Variants in THAP8 observed in about 807,000 individuals in gnomAD.
THAP8 encodes the protein THAP domain containing 8.
In THAP8, 24 loss-of-function variants were observed where a neutral mutation model predicts 25.0. That is an observed-to-expected ratio of 0.96 (90% CI 0.69 to 1.35). The LOEUF (loss-of-function observed/expected upper bound fraction) is 1.35, where lower values mean the gene tolerates loss of function less well. Ranked by LOEUF, THAP8 falls within the 40% of genes most tolerant of loss-of-function variation. The probability of loss-of-function intolerance (pLI) is 0.00; values close to 1 mark genes in which losing one functional copy is unlikely to be tolerated. For synonymous variants in THAP8, 169 were observed against 157.6 expected (o/e 1.07, Z -0.54); for missense variants, 399 against 368.8 (o/e 1.08, Z -0.67).
At chr19:36,044,514 C>T (rs1198247523) in intron 1 of THAP8, among the ~76,000 whole-genome samples, 7 of 151,916 alleles carry the variant, frequency 4.6e-5, no homozygotes, top group African/African-American at 1.2e-4. Context: ...TTTTGAGACA[C>T]GGTCTCATTC....
chr19:36,040,972 A>C (rs1000385320), intron 1 of THAP8, among the ~76,000 whole-genome samples: 5 of 152,136 alleles, frequency 3.3e-5, no homozygotes, highest in Admixed American at 3.3e-4. Flanking sequence ...AGACATTTTA[A>C]GACAATTGGG....
chr19:36,039,584 C>T lies in THAP8; in HGVS notation c.411G>A (p.Ser137=), dbSNP rs945105105. 26 of 1,513,204 alleles carry T rather than the reference C, an allele frequency of 1.7e-5. No individual in the cohort carries two copies. Among genetic ancestry groups the T allele is most frequent in the Admixed American group, 2.2e-5 (1 of 45,730 alleles). 93.7% of individuals were successfully genotyped at this position (1,513,204 alleles called of 1,614,324 possible). A position where few individuals can be genotyped will look rare whatever the true frequency, so the allele number is the denominator to read the frequency against. The change falls in exon 3 of 4, where the codon TCG becomes TCA. Residue 137 remains serine, a synonymous_variant. Coordinates refer to ENST00000292894, the MANE Select transcript of THAP8 (RefSeq NM_152658.3). ...TGGTGGCCACAGTCTTGGGGCTCCCCGATGTGGGGCCCAGCACCACTAGGC... is the reference window on the plus strand; with the variant it reads ...TGGTGGCCACAGTCTTGGGGCTCCCTGATGTGGGGCCCAGCACCACTAGGC... ...PVRLVVLGPT[S]GSPKTVATML...
chr19:36,040,267 G>A, intron 1 of THAP8, 131 bp from the exon 2 acceptor site: 2 of 900,636 alleles, frequency 2.2e-6, no homozygotes, highest in South Asian at 1.9e-5. Flanking sequence ...GACCTGTCTT[G>A]TGCCCAGGCT....
chr19:36,039,196 A>G, intron 3 of THAP8, 127 bp downstream of exon 3: 1 of 1,322,416 alleles, frequency 7.6e-7, no homozygotes. Context: ...AGCCCGGGAA[A>G]GCCAGAAATT....
chr19:36,045,904 C>T (rs1486722655), intron 1 of THAP8: 3 of 456,464 alleles, frequency 6.6e-6, no homozygotes, highest in African/African-American at 6.0e-5. Flanking sequence ...GCCTCTAGAA[C>T]TGTTAGAAAA....
In THAP8 at chr19:36,035,209, G is replaced by A. The variant is rs1030585878; in HGVS notation, c.*231C>T. The stretch of plus-strand genomic sequence containing the variant: ...GTACTGATTTGCAAAGATCTGAGCC[G>A]GGGGTGGCAGAAGCCTGGTACCCAG... On this transcript the variant is annotated 3_prime_UTR_variant, in exon 4 of 4. Coordinates refer to ENST00000292894, the MANE Select transcript of THAP8 (RefSeq NM_152658.3). The A allele has an allele frequency of 1.3e-4, 63 of 497,332 alleles. No individual in the cohort carries two copies. Among genetic ancestry groups the A allele is most frequent in the African/African-American group, 1.3e-4 (7 of 52,150 alleles). 30.8% of individuals were successfully genotyped at this position (497,332 alleles called of 1,614,324 possible).
rs772421009 is a variant in THAP8, at chr19:36,039,685, CTG to C, written c.308_309del (p.Pro103ArgfsTer55). ...SQRRTRSTQK[P>X]VSPPPPLQKN... ...TTCTGTAGGGGAGGCGGCGGCGAGA[CTG>C]GCTTCTGGGTGCTTCGGGTCCTCCG... On this transcript the variant is annotated frameshift_variant, in exon 3 of 4. Coordinates refer to ENST00000292894, the MANE Select transcript of THAP8 (RefSeq NM_152658.3). LOFTEE classifies it high-confidence loss of function. 25 of 1,525,954 alleles carry C rather than the reference CTG, an allele frequency of 1.6e-5. No individual in the cohort carries two copies. In the African/African-American group the frequency reaches 2.9e-4, roughly 18 times the overall value. The allele number at this position is 1,525,954 out of a possible 1,614,324, so 94.5% of individuals were successfully genotyped here. A position where few individuals can be genotyped will look rare whatever the true frequency, so the allele number is the denominator to read the frequency against.
chr19:36,044,795 GCTCT>G (rs1240397995), intron 1 of THAP8, among the ~76,000 whole-genome samples: 2 of 152,078 alleles, frequency 1.3e-5, no homozygotes, highest in Admixed American at 1.3e-4. Context: ...CCCCACCCCT[GCTCT>G]CTCTTTGTTG....
Position 36,035,057 on chromosome 19 carries a change from C to G in THAP8, c.*383G>C, listed in dbSNP as rs560404594. 1.7e-5 allele frequency: 3 copies of G among 176,492 alleles called. No homozygotes were observed. The highest frequency in any genetic ancestry group is 7.1e-5 in the African/African-American group (3 of 42,492). The allele number at this position is 176,492 out of a possible 1,614,324, so 10.9% of individuals were successfully genotyped here. ...TCAAGTAGAATGAGCACCATGAGGGCAGGGATTTTCTCAGCTGTGTCCACC... is the reference window on the plus strand; with the variant it reads ...TCAAGTAGAATGAGCACCATGAGGGGAGGGATTTTCTCAGCTGTGTCCACC... On this transcript the variant is annotated 3_prime_UTR_variant, in exon 4 of 4. Transcript: ENST00000292894.
At chr19:36,036,738 C>T (rs1187143855) in intron 3 of THAP8, among the ~76,000 whole-genome samples, 1 of 151,892 alleles carries the variant, frequency 6.6e-6, no homozygotes, top group Non-Finnish European at 1.5e-5. Context: ...GTCAGGAGCT[C>T]AAGACCAGCC....
At chr19:36,039,061 T>C (rs191213729) in intron 3 of THAP8, among the ~76,000 whole-genome samples, 15 of 152,318 alleles carry the variant, frequency 9.8e-5, no homozygotes, top group African/African-American at 2.9e-4. Flanking sequence ...AACCTAGAAA[T>C]TTGTTTTAAT....
rs749315649 is a variant in THAP8, at chr19:36,054,245, C to A, written c.-28G>T. On this transcript the variant is annotated 5_prime_UTR_variant, in exon 1 of 4. Coordinates refer to ENST00000292894, the MANE Select transcript of THAP8 (RefSeq NM_152658.3). ...CTATCCAGCCCCCGCTGAGTTTTGC[C>A]GGGTCAGCGGCTGCACTTTGGTTCT... 3 of 1,606,788 alleles carry A rather than the reference C, an allele frequency of 1.9e-6. No individual in the cohort carries two copies. Among genetic ancestry groups the A allele is most frequent in the Non-Finnish European group, 1.7e-6 (2 of 1,176,768 alleles).
chr19:36,053,487 C>G (rs949036247), intron 1 of THAP8, among the ~76,000 whole-genome samples: 2 of 139,066 alleles, frequency 1.4e-5, no homozygotes, highest in African/African-American at 2.7e-5. Context: ...CCCGGGAGGT[C>G]GAGGTTGCAG....
In THAP8 at chr19:36,039,408, G is replaced by A. The variant is rs773639220; in HGVS notation, c.587C>T (p.Ala196Val). 3.3e-5 allele frequency: 52 copies of A among 1,557,454 alleles called. No individual in the cohort carries two copies. The highest frequency in any genetic ancestry group is 5.9e-5 in the South Asian group (5 of 85,354). Residue 196 changes from alanine to valine, a missense_variant, in exon 3 of 4, where the codon GCG becomes GTG. Coordinates refer to ENST00000292894, the MANE Select transcript of THAP8 (RefSeq NM_152658.3). ...CAGCCGTTCCAGGGCCTGCAGCTGC[G>A]CCTGGTGCCGCTCCTGGCACCGTTG... ...RLQRCQERHQ[A>V]QLQALERLAQ...
intron 1 of THAP8, among the ~76,000 whole-genome samples, chr19:36,041,922 A>G (rs990210490): frequency 1.3e-5 from 2 of 152,126 alleles, no homozygotes; most frequent in African/African-American, 4.8e-5. Flanking sequence ...CTCTACGAAA[A>G]AATATTTTTT....
chr19:36,038,712 G>T (rs1243044603), intron 3 of THAP8, among the ~76,000 whole-genome samples: 1 of 152,088 alleles, frequency 6.6e-6, no homozygotes, highest in Non-Finnish European at 1.5e-5. Flanking sequence ...TTAGCTGAGC[G>T]TGGTGGCGGG....
At chr19:36,048,869 A>AAAAC (rs1555790111) in intron 1 of THAP8, among the ~76,000 whole-genome samples, 31 of 150,840 alleles carry the variant, frequency 2.1e-4, no homozygotes, top group South Asian at 8.5e-4. Context: ...AAAAAACAAA[A>AAAAC]AACACCTTTG....
chr19:36,048,713 T>C (rs2145454370), intron 1 of THAP8, among the ~76,000 whole-genome samples: 1 of 151,682 alleles, frequency 6.6e-6, no homozygotes, highest in South Asian at 2.1e-4. Flanking sequence ...CCTGACAAGG[T>C]GGTGTCTGCC....
upstream of THAP8, chr19:36,054,423 G>T (rs985812153): frequency 1.6e-6 from 1 of 628,710 alleles, no homozygotes; most frequent in South Asian, 1.8e-5. Context: ...GTCACGTGAC[G>T]AATGGGCCAT....
Sources: allele counts gnomAD v4.1 joint callset (sites outside exome capture counted in the v4.1 genomes callset), GRCh38; gene constraint gnomAD v4.1.1; transcripts MANE v1.5; gene names NCBI Gene and HGNC (gene_info 2026-07-23, HGNC 2026-07-21).